Variants in FYTTD1 observed in about 807,000 individuals in gnomAD.
The protein encoded by FYTTD1 is UAP56-interacting factor.
Under a neutral mutation model 40.9 loss-of-function variants are expected in FYTTD1, and 22 were observed. The observed-to-expected ratio is 0.54, with a 90% CI of 0.38 to 0.77. The LOEUF is 0.77. Ranked by LOEUF, FYTTD1 falls within the 30% of genes least tolerant of loss-of-function variation. The pLI is 0.00. For synonymous variants in FYTTD1, 140 were observed against 137.9 expected (o/e 1.01, Z -0.10); for missense variants, 351 against 392.2 (o/e 0.90, Z 0.89).
rs1730073112 is a variant in FYTTD1 at position 197,783,164 on chromosome 3, T to G, written c.*1255T>G. 6.6e-6 allele frequency: 1 copy of G among 152,656 alleles called. No individual in the cohort carries two copies. The highest frequency in any genetic ancestry group is 1.5e-5 in the Non-Finnish European group (1 of 68,040). 9.5% of individuals were successfully genotyped at this position (152,656 alleles called of 1,614,324 possible). On this transcript the variant is annotated 3_prime_UTR_variant, in exon 9 of 9. Coordinates refer to ENST00000241502, the MANE Select transcript of FYTTD1 (RefSeq NM_032288.7). ...AAGTTAGTCTGTGCTAAGATAGTAC[T>G]GAGTCCCCAGATGTTGTATACTGTA...
At chr3:197,750,118 C>G in intron 1 of FYTTD1, 44 bp downstream of exon 1, 2 of 1,419,372 alleles carry the variant, frequency 1.4e-6, no homozygotes, top group Non-Finnish European at 1.9e-6. Flanking sequence ...GGGGAGGGCG[C>G]GGGTGGAAGC....
At chr3:197,775,810 C>T (rs1490138367) in intron 6 of FYTTD1, among the ~76,000 whole-genome samples, 1 of 152,148 alleles carries the variant, frequency 6.6e-6, no homozygotes, top group Non-Finnish European at 1.5e-5. Flanking sequence ...AGCCTTTTTG[C>T]TTCTGCAGTG....
At chr3:197,753,255 C>T (rs1173622327) in intron 1 of FYTTD1, among the ~76,000 whole-genome samples, 1 of 152,010 alleles carries the variant, frequency 6.6e-6, no homozygotes, top group Non-Finnish European at 1.5e-5. Context: ...CATGGCTTTG[C>T]CAGGTGTATA....
chr3:197,778,553 G>T, intron 8 of FYTTD1, 89 bp downstream of exon 8: 1 of 919,094 alleles, frequency 1.1e-6, no homozygotes, highest in Non-Finnish European at 1.6e-6. Context: ...TTATAAACAA[G>T]GTATCCTAAC....
intron 1 of FYTTD1, chr3:197,750,424 G>A (rs1728980153): frequency 2.9e-6 from 3 of 1,030,608 alleles, no homozygotes; most frequent in Non-Finnish European, 3.5e-6. Flanking sequence ...TGTGAGGAAA[G>A]ATCTGCCGGT....
intron 5 of FYTTD1, 50 bp downstream of exon 5, chr3:197,773,549 A>T (rs1196747587): frequency 1.2e-6 from 1 of 826,786 alleles, no homozygotes; most frequent in Non-Finnish European, 1.9e-6. Flanking sequence ...GTTTTTTCCC[A>T]AAGAGGATCC....
chr3:197,773,542 T>TG (rs35962724), intron 5 of FYTTD1, 43 bp downstream of exon 5: 23 of 1,280,498 alleles, frequency 1.8e-5, no homozygotes, highest in Admixed American at 4.0e-5. Flanking sequence ...TTTGTTTGTT[T>TG]TTTCCCAAAG....
chr3:197,767,643 G>A (rs923108023), intron 2 of FYTTD1, among the ~76,000 whole-genome samples: 2 of 151,910 alleles, frequency 1.3e-5, no homozygotes, highest in African/African-American at 2.4e-5. Flanking sequence ...TTTTAGAGGC[G>A]AGGCCTCACT....
rs138534165 is a variant in FYTTD1 at position 197,774,151 on chromosome 3, G to A, written c.597G>A (p.Val199=). 290 of 1,613,070 alleles carry A rather than the reference G, an allele frequency of 1.8e-4. No homozygotes were observed. Among genetic ancestry groups the A allele is most frequent in the Admixed American group, 3.7e-4 (22 of 59,994 alleles). Residue 199 remains valine, a splice_region_variant and synonymous_variant, in exon 6 of 9, where the codon GTG becomes GTA. Transcript: ENST00000241502. ...TACTGCTTTTTTTTTCCCTTCAGGTGCAGGCCCAGTTGAATACAGAACAAC... is the reference window on the plus strand; with the variant it reads ...TACTGCTTTTTTTTTCCCTTCAGGTACAGGCCCAGTTGAATACAGAACAAC... The part of the protein sequence containing the change: ...ATFLFRRGLK[V]QAQLNTEQLL...
rs1398574638 is a variant in FYTTD1, at chr3:197,756,292, GTTA to G, written c.104-129_104-127del. 19 of 672,970 alleles carry G rather than the reference GTTA, an allele frequency of 2.8e-5. No homozygotes were observed. In the East Asian group the frequency reaches 4.4e-4, roughly 15 times the overall value. The allele number at this position is 672,970 out of a possible 1,614,324, so 41.7% of individuals were successfully genotyped here. ...GGCTATTGTAAAATGGCTGATTCTT[GTTA>G]TTATCCTCTTATGGAAGTGCTTTCA... is the stretch of plus-strand genomic sequence containing the variant. On this transcript the variant is annotated intron_variant, in intron 1 of 8. Transcript: ENST00000241502.
In FYTTD1 at chr3:197,750,975, G is replaced by C. The variant is rs79784259; in HGVS notation, c.103+901G>C. 2.8e-3 allele frequency among the ~76,000 whole-genome samples: 423 copies of C among 152,286 alleles called. 1 individual carries two copies. The highest frequency in any genetic ancestry group is 3.7e-3 in the Non-Finnish European group (254 of 68,020). ...GTTAGCTTAGGTGGGCTAAAAGTAC[G>C]AATATTTTTGTCGGGATTCAAGTGA... On this transcript the variant is annotated intron_variant, in intron 1 of 8. Transcript: ENST00000241502.
intron 2 of FYTTD1, among the ~76,000 whole-genome samples, chr3:197,764,777 A>G (rs1347750935): frequency 2.0e-5 from 3 of 151,060 alleles, no homozygotes; most frequent in Middle Eastern, 3.2e-3. Flanking sequence ...AGAAAGATTG[A>G]TAAGTATGGG....
At chr3:197,773,078 A>G (rs1729764447) in intron 4 of FYTTD1, among the ~76,000 whole-genome samples, 1 of 152,194 alleles carries the variant, frequency 6.6e-6, no homozygotes, top group African/African-American at 2.4e-5. Flanking sequence ...TATAAATTGT[A>G]AAGTTATGTT....
chr3:197,763,613 CAA>C, intron 2 of FYTTD1: 1 of 355,668 alleles, frequency 2.8e-6, no homozygotes, highest in Non-Finnish European at 5.5e-6. Context: ...CCCGTCTCTA[CAA>C]AAAAAAAGAA....
intron 3 of FYTTD1, 21 bp from the exon 4 acceptor site, chr3:197,770,109 CAT>C (rs762350127): frequency 1.4e-6 from 2 of 1,382,406 alleles, no homozygotes; most frequent in East Asian, 4.7e-5. Context: ...ATTTGATTAA[CAT>C]AATTTCTTGC....
At chr3:197,752,656 GTGTA>G (rs1394152996) in intron 1 of FYTTD1, among the ~76,000 whole-genome samples, 2 of 151,574 alleles carry the variant, frequency 1.3e-5, no homozygotes, top group South Asian at 2.1e-4. Context: ...CTATATATAT[GTGTA>G]TGTATATATG....
chr3:197,762,484 G>C (rs966708824), intron 2 of FYTTD1, among the ~76,000 whole-genome samples: 5 of 152,022 alleles, frequency 3.3e-5, no homozygotes, highest in African/African-American at 7.3e-5. Flanking sequence ...AGCTACTCGG[G>C]AGGCTGAGGC....
chr3:197,766,461 T>TGTGTGTGTGTG (rs1171406063), intron 2 of FYTTD1, among the ~76,000 whole-genome samples: 4 of 25,866 alleles, frequency 1.5e-4, no homozygotes, highest in Non-Finnish European at 3.8e-4. Flanking sequence ...GTGTGTGTGT[T>TGTGTGTGTGTG]TGAGACAGGG....
chr3:197,776,823 T>C, intron 6 of FYTTD1, 104 bp from the exon 7 acceptor site: 1 of 729,388 alleles, frequency 1.4e-6, no homozygotes, highest in Non-Finnish European at 2.3e-6. Flanking sequence ...TCTTACAAGC[T>C]AAGAAAAAGT....
Sources: allele counts gnomAD v4.1 joint callset (sites outside exome capture counted in the v4.1 genomes callset), GRCh38; gene constraint gnomAD v4.1.1; transcripts MANE v1.5; gene names NCBI Gene and HGNC (gene_info 2026-07-23, HGNC 2026-07-21).